Variants in KCNT2 observed in about 807,000 individuals in gnomAD.
The protein encoded by KCNT2 is potassium channel subfamily T member 2.
KCNT2 carries 67 observed loss-of-function variants against 153.8 expected under a neutral mutation model. The observed-to-expected ratio is 0.44, with a 90% CI of 0.36 to 0.53. The LOEUF is 0.53. KCNT2 is among the 20% of genes least tolerant of loss of function. The probability of loss-of-function intolerance (pLI) is 0.00; values close to 1 mark genes in which losing one functional copy is unlikely to be tolerated. For missense variants in KCNT2, 975 were observed against 1,354.8 expected (o/e 0.72, Z 4.40); for synonymous variants, 500 against 458.8 (o/e 1.09, Z -1.15).
At chr1:196,338,357 A>G (rs1241091325) in intron 16 of KCNT2, among the ~76,000 whole-genome samples, 1 of 152,130 alleles carries the variant, frequency 6.6e-6, no homozygotes, top group Non-Finnish European at 1.5e-5. Context: ...TAGAAAAGTC[A>G]GAAAATATCA....
chr1:196,509,989 A>G (rs1349175118), intron 1 of KCNT2, among the ~76,000 whole-genome samples: 2 of 152,202 alleles, frequency 1.3e-5, no homozygotes, highest in Non-Finnish European at 2.9e-5. Context: ...ACAGGGAACC[A>G]TATAGAATAT....
At chr1:196,342,420 CTATATA>C (rs71154738) in intron 14 of KCNT2, among the ~76,000 whole-genome samples, 192 bp from the exon 15 acceptor site, 1,715 of 132,656 alleles carry the variant, frequency 0.013, 15 homozygotes, top group African/African-American at 0.023. Context: ...ATTTTGAATA[CTATATA>C]TATATATATA....
intron 1 of KCNT2, among the ~76,000 whole-genome samples, chr1:196,579,442 T>G (rs1006927552): frequency 2.6e-5 from 4 of 152,058 alleles, no homozygotes; most frequent in Non-Finnish European, 5.9e-5. Flanking sequence ...TTTACCTATG[T>G]GACAAACATG....
At chr1:196,344,116 A>G (rs1033893964) in intron 14 of KCNT2, among the ~76,000 whole-genome samples, 9 of 152,130 alleles carry the variant, frequency 5.9e-5, no homozygotes, top group Non-Finnish European at 1.2e-4. Flanking sequence ...TTAACTTTTC[A>G]GTGATTCTTT....
At chr1:196,512,962 A>C (rs1011766397) in intron 1 of KCNT2, among the ~76,000 whole-genome samples, 2 of 152,088 alleles carry the variant, frequency 1.3e-5, no homozygotes, top group Non-Finnish European at 2.9e-5. Flanking sequence ...AGAAGGAAGT[A>C]TTGGAAAGGA....
intron 1 of KCNT2, among the ~76,000 whole-genome samples, chr1:196,562,059 G>T (rs1293950018): frequency 6.6e-6 from 1 of 151,826 alleles, no homozygotes. Flanking sequence ...GTTTCTTATT[G>T]ACTTGAAAAA....
chr1:196,280,990 T>TAA lies in KCNT2; in HGVS notation c.2782-3_2782-2insTT. 1 of 1,602,362 alleles carries TAA rather than the reference T, an allele frequency of 6.2e-7. No homozygotes were observed. The highest frequency in any genetic ancestry group is 8.5e-7 in the Non-Finnish European group (1 of 1,171,338). On this transcript the variant is annotated splice_region_variant and splice_polypyrimidine_tract_variant and intron_variant, in intron 24 of 27. Coordinates refer to ENST00000294725, the MANE Select transcript of KCNT2 (RefSeq NM_198503.5). Reference sequence around the variant, plus strand: ...TAAGTCATCTGCAGTGATTTTCATCTATAACACACACAAATTATTTACATA... The same window carrying TAA: ...TAAGTCATCTGCAGTGATTTTCATCTAAATAACACACACAAATTATTTACATA...
At chr1:196,590,142 C>A (rs1663168717) in intron 1 of KCNT2, among the ~76,000 whole-genome samples, 7 of 152,114 alleles carry the variant, frequency 4.6e-5, no homozygotes, top group Admixed American at 4.6e-4. Flanking sequence ...ACCCTCTAGT[C>A]TTTGGGAAAT....
intron 1 of KCNT2, among the ~76,000 whole-genome samples, chr1:196,507,253 A>T (rs183259367): frequency 2.2e-4 from 34 of 152,306 alleles, no homozygotes; most frequent in Admixed American, 1.7e-3. Context: ...TGAAAATGTT[A>T]CACTTGAGAA....
At chr1:196,599,629 A>C (rs1336330536) in intron 1 of KCNT2, among the ~76,000 whole-genome samples, 4 of 152,078 alleles carry the variant, frequency 2.6e-5, no homozygotes, top group African/African-American at 9.7e-5. Flanking sequence ...TACAGCTAAG[A>C]CTCTAAAGAG....
chr1:196,409,668 G>A (rs1310188777), intron 12 of KCNT2, among the ~76,000 whole-genome samples: 2 of 151,580 alleles, frequency 1.3e-5, no homozygotes, highest in African/African-American at 4.8e-5. Flanking sequence ...TCTATTGGCA[G>A]TATAAACCAA....
intron 22 of KCNT2, among the ~76,000 whole-genome samples, chr1:196,304,059 C>T (rs1176791015): frequency 6.6e-6 from 1 of 152,104 alleles, no homozygotes. Flanking sequence ...GGAGAGGTAT[C>T]TATCTAGTCT....
intron 25 of KCNT2, among the ~76,000 whole-genome samples, chr1:196,270,072 TG>T (rs1455735499): frequency 1.3e-5 from 2 of 152,090 alleles, no homozygotes; most frequent in Admixed American, 6.6e-5. Flanking sequence ...AGTAGTGGGA[TG>T]TTTTTTATCT....
intron 13 of KCNT2, among the ~76,000 whole-genome samples, chr1:196,379,589 CTCTCTCT>C (rs1669298872): frequency 6.6e-6 from 1 of 151,662 alleles, no homozygotes; most frequent in South Asian, 2.1e-4. Context: ...CTCTCTCTCT[CTCTCTCT>C]CTCTCTCTCT....
At chr1:196,330,371 G>A (rs1330011988) in intron 18 of KCNT2, among the ~76,000 whole-genome samples, 3 of 151,810 alleles carry the variant, frequency 2.0e-5, no homozygotes, top group African/African-American at 7.2e-5. Flanking sequence ...TTAAGGATGA[G>A]GAAACTGAAA....
chr1:196,386,581 AT>A (rs953640363), intron 13 of KCNT2, among the ~76,000 whole-genome samples: 52 of 152,154 alleles, frequency 3.4e-4, no homozygotes, highest in African/African-American at 1.3e-3. Context: ...TAAGTAATAT[AT>A]TTCTGGAGAG....
At chr1:196,264,554 T>A (rs1021702916) in intron 25 of KCNT2, among the ~76,000 whole-genome samples, 3 of 152,174 alleles carry the variant, frequency 2.0e-5, no homozygotes, top group African/African-American at 7.2e-5. Context: ...GCCCCATGGA[T>A]GGGGAAGCTG....
chr1:196,240,083 AT>A (rs60907238), intron 26 of KCNT2, among the ~76,000 whole-genome samples: 1 of 152,028 alleles, frequency 6.6e-6, no homozygotes, highest in Non-Finnish European at 1.5e-5. Context: ...ACTCTGTGGT[AT>A]TTTTTTATGG....
chr1:196,552,388 T>C (rs1467932099), intron 1 of KCNT2, among the ~76,000 whole-genome samples: 1 of 151,306 alleles, frequency 6.6e-6, no homozygotes, highest in Admixed American at 6.6e-5. Flanking sequence ...AACATCCCTG[T>C]TTTACTTTTA....
Sources: allele counts gnomAD v4.1 joint callset (sites outside exome capture counted in the v4.1 genomes callset), GRCh38; gene constraint gnomAD v4.1.1; transcripts MANE v1.5; gene names NCBI Gene and HGNC (gene_info 2026-07-23, HGNC 2026-07-21).